The following LRIG1 variants were observed in gnomAD, a reference collection of about 807,000 sequenced individuals.
The protein encoded by LRIG1 is leucine-rich repeats and immunoglobulin-like domains protein 1.
LRIG1 carries 48 observed loss-of-function variants against 99.2 expected under a neutral mutation model. The ratio of observed to expected loss-of-function variants is 0.48; its 90% CI spans 0.38 to 0.62. LRIG1 has a LOEUF of 0.62. Among genes scored for constraint, LRIG1 ranks in the 20% least tolerant of loss-of-function variants. LRIG1 has a pLI of 0.00. For missense variants in LRIG1, 1,646 were observed against 1,434.4 expected, an observed-to-expected ratio of 1.15 and a Z score of -2.38; for synonymous variants, 772 against 596.1, an observed-to-expected ratio of 1.29 and a Z score of -4.30.
At position 66,386,195 on chromosome 3, in the gene LRIG1, G is replaced by C. The variant is rs775279103; in HGVS notation, c.1575C>G (p.Pro525=). 2 of 1,614,132 alleles carry C rather than the reference G, an allele frequency of 1.2e-6. No individual in the cohort carries two copies. Among genetic ancestry groups the C allele is most frequent in the African/African-American group, 1.3e-5 (1 of 75,032 alleles). ...TCSAASSSSS[P]MTFAWKKDNE... The stretch of plus-strand genomic sequence containing the variant: ...TGTCTTTCTTCCAGGCAAAGGTCAT[G>C]GGGGAGCTGCTGCTGCTGGCTGCTG... The change falls in exon 13 of 19, where the codon CCC becomes CCG. Residue 525 remains proline, a synonymous_variant. Coordinates refer to ENST00000273261, the MANE Select transcript of LRIG1 (RefSeq NM_015541.3).
chr3:66,419,244 C>G (rs914450898), intron 3 of LRIG1, among the ~76,000 whole-genome samples: 4 of 152,208 alleles, frequency 2.6e-5, no homozygotes, highest in Non-Finnish European at 4.4e-5. Context: ...CACGCCAGTT[C>G]TGTCCTCTCC....
chr3:66,457,635 G>A (rs6786631), intron 2 of LRIG1, among the ~76,000 whole-genome samples: 6 of 152,278 alleles, frequency 3.9e-5, no homozygotes, highest in South Asian at 2.1e-4. Context: ...AATGTGTTAC[G>A]ATGTCAATGT....
intron 1 of LRIG1, among the ~76,000 whole-genome samples, chr3:66,477,707 C>A (rs1700753475): frequency 6.6e-6 from 1 of 152,140 alleles, no homozygotes; most frequent in Admixed American, 6.5e-5. Context: ...CACTTAAGTT[C>A]ATTCTCTCAT....
chr3:66,482,278 T>G (rs1386149563), intron 1 of LRIG1, among the ~76,000 whole-genome samples: 1 of 152,252 alleles, frequency 6.6e-6, no homozygotes, highest in Non-Finnish European at 1.5e-5. Context: ...ATTACACCTG[T>G]GCTCTCTCAG....
At chr3:66,460,928 T>C (rs2106834727) in intron 2 of LRIG1, among the ~76,000 whole-genome samples, 1 of 152,328 alleles carries the variant, frequency 6.6e-6, no homozygotes, top group Non-Finnish European at 1.5e-5. Context: ...AATCTGGAGA[T>C]GAGGGTTTGG....
chr3:66,407,218 G>C (rs1702299790), intron 8 of LRIG1, 130 bp downstream of exon 8: 1 of 956,286 alleles, frequency 1.0e-6, no homozygotes, highest in South Asian at 1.6e-5. Context: ...TCTGCACATA[G>C]AGCAAGCCAG....
Position 66,412,897 on chromosome 3 carries a change from G to A in LRIG1, c.765C>T (p.Phe255=), listed in dbSNP as rs751805415. Residue 255 remains phenylalanine (F), a synonymous_variant, in exon 6 of 19, where the codon TTC becomes TTT. Transcript: ENST00000273261. ...GCACATGCATCTTGGACAGTCCCCA[G>A]AAGGCCCCATCTGTCAGTTTGCTGA... is the stretch of plus-strand genomic sequence containing the variant. The part of the protein sequence containing the change: ...NNISKLTDGA[F]WGLSKMHVLH... 2 of 1,614,188 alleles carry A rather than the reference G, an allele frequency of 1.2e-6. No individual in the cohort carries two copies. The highest frequency in any genetic ancestry group is 2.2e-5 in the South Asian group (2 of 91,076).
At chr3:66,391,737 A>G (rs775505783) in intron 12 of LRIG1, among the ~76,000 whole-genome samples, 3 of 152,230 alleles carry the variant, frequency 2.0e-5, no homozygotes, top group African/African-American at 7.2e-5. Flanking sequence ...ATCAATTTAT[A>G]TATTTTAAAG....
At chr3:66,403,614 G>A (rs1702145401) in intron 9 of LRIG1, among the ~76,000 whole-genome samples, 1 of 152,188 alleles carries the variant, frequency 6.6e-6, no homozygotes, top group Admixed American at 6.5e-5. Context: ...AAGCACCAGG[G>A]CACAGAGGGC....
chr3:66,437,124 G>C (rs1703386730), intron 3 of LRIG1, among the ~76,000 whole-genome samples: 2 of 152,206 alleles, frequency 1.3e-5, no homozygotes, highest in African/African-American at 2.4e-5. Flanking sequence ...CTGCAGTGGG[G>C]AACGGGTGGC....
chr3:66,380,978 G>T, intron 17 of LRIG1, 117 bp from the exon 18 acceptor site: 1 of 989,118 alleles, frequency 1.0e-6, no homozygotes, highest in Non-Finnish European at 1.5e-6. Flanking sequence ...TGCAAACACT[G>T]TATGCATGCT....
chr3:66,421,509 G>A (rs149382343), intron 3 of LRIG1, among the ~76,000 whole-genome samples: 9 of 152,280 alleles, frequency 5.9e-5, no homozygotes, highest in Admixed American at 1.3e-4. Context: ...TCCAGATCAC[G>A]CTGATGCAAG....
chr3:66,380,690 C>CT lies in LRIG1; in HGVS notation c.2941dup (p.Ser981LysfsTer19), dbSNP rs758034062. 1.6e-5 allele frequency: 26 copies of CT among 1,614,092 alleles called. 1 individual carries two copies. The highest frequency in any genetic ancestry group is 2.0e-5 in the Non-Finnish European group (24 of 1,180,048). On this transcript the variant is annotated frameshift_variant, in exon 18 of 19. Coordinates refer to ENST00000273261, the MANE Select transcript of LRIG1 (RefSeq NM_015541.3). LOFTEE classifies it high-confidence loss of function. ...GGGGCAGGACCCAGCGGCAGTCCTG[C>CT]TGCACTGGTGATGTGGAGAATGCTC...
chr3:66,381,400 C>A lies in LRIG1; in HGVS notation c.2770+79G>T. On this transcript the variant is annotated intron_variant, in intron 17 of 18. Coordinates refer to ENST00000273261, the MANE Select transcript of LRIG1 (RefSeq NM_015541.3). ...ACAGCTGTGGACTAGGAATGTGTCT[C>A]CCCCTTTGATGTAGTGACTAGGTCA... 2.8e-6 allele frequency: 4 copies of A among 1,416,628 alleles called. No homozygotes were observed. The South Asian group carries it at 5.1e-5, about 18-fold the overall frequency. 87.8% of individuals were successfully genotyped at this position (1,416,628 alleles called of 1,614,324 possible).
intron 3 of LRIG1, among the ~76,000 whole-genome samples, chr3:66,432,221 G>A (rs747283428): frequency 9.2e-5 from 14 of 152,078 alleles, no homozygotes; most frequent in East Asian, 1.9e-4. Context: ...CCCTGCCCCC[G>A]ACACTCTCAT....
At chr3:66,387,270 G>A (rs1194692946) in intron 12 of LRIG1, 1 of 151,912 alleles carries the variant, frequency 6.6e-6, no homozygotes, top group Non-Finnish European at 1.5e-5. Flanking sequence ...CATTCCTGGG[G>A]ATCTAGACAG....
chr3:66,404,433 G>A (rs1370793104), intron 9 of LRIG1: 31 of 1,164,622 alleles, frequency 2.7e-5, no homozygotes, highest in Non-Finnish European at 2.8e-5. Flanking sequence ...CTTCCTGCAC[G>A]GTCCTTGGGT....
intron 8 of LRIG1, chr3:66,406,512 C>T: frequency 4.0e-6 from 3 of 743,558 alleles, no homozygotes; most frequent in Non-Finnish European, 4.9e-6. Context: ...CTGCCAGGTG[C>T]AAGTGCAAAG....
chr3:66,401,626 A>G (rs1460113737), intron 9 of LRIG1: 2 of 1,528,168 alleles, frequency 1.3e-6, no homozygotes, highest in African/African-American at 1.4e-5. Context: ...CAGCAGACAT[A>G]TGGGGCTGGG....
Sources: gnomAD v4.1 joint callset for allele counts (sites outside exome capture counted in the v4.1 genomes callset) on GRCh38, gnomAD v4.1.1 for gene constraint, MANE v1.5 for transcripts, NCBI Gene and HGNC (gene_info 2026-07-23, HGNC 2026-07-21) for gene names.